The following ST3GAL3 variants were observed in gnomAD, a reference collection of about 807,000 sequenced individuals.
ST3GAL3 encodes ST3 beta-galactoside alpha-2,3-sialyltransferase 3.
A neutral mutation model predicts 50.1 loss-of-function variants in ST3GAL3; 21 were observed. The ratio of observed to expected loss-of-function variants is 0.42; its 90% CI spans 0.30 to 0.60. The LOEUF (loss-of-function observed/expected upper bound fraction) is 0.60. ST3GAL3 is among the 20% of genes least tolerant of loss of function. ST3GAL3 has a pLI of 0.19. For missense variants in ST3GAL3, 353 were observed against 489.4 expected, an observed-to-expected ratio of 0.72 and a Z score of 2.63; for synonymous variants, 183 against 190.0, an observed-to-expected ratio of 0.96 and a Z score of 0.30.
intron 11 of ST3GAL3, chr1:43,921,549 G>C: frequency 2.5e-6 from 1 of 399,774 alleles, no homozygotes; most frequent in Non-Finnish European, 4.4e-6. Flanking sequence ...GGAAATCTTG[G>C]GCCAGTTCTT....
At chr1:43,904,488 T>C (rs2078814665) in intron 9 of ST3GAL3, among the ~76,000 whole-genome samples, 1 of 151,978 alleles carries the variant, frequency 6.6e-6, no homozygotes. Flanking sequence ...CTTTCTCCCA[T>C]GCCTCTTATC....
intron 5 of ST3GAL3, chr1:43,839,191 G>A (rs1232369705): frequency 6.6e-6 from 1 of 152,400 alleles, no homozygotes; most frequent in Non-Finnish European, 1.5e-5. Context: ...TGGTTTTTAT[G>A]CTCCCTTTCT....
chr1:43,874,748 G>A (rs1004147123), intron 5 of ST3GAL3, among the ~76,000 whole-genome samples: 2 of 152,186 alleles, frequency 1.3e-5, no homozygotes, highest in Non-Finnish European at 2.9e-5. Flanking sequence ...GTAGTGATAC[G>A]CAGCTTGTAA....
chr1:43,814,974 G>C lies in ST3GAL3; in HGVS notation c.209+41G>C, dbSNP rs772927194. ...AGATACCTTGGCTCTGTGGCAGAGA[G>C]GTCTGTGAGAGCTGGGTCTCACTTT... On this transcript the variant is annotated intron_variant, in intron 4 of 11. Coordinates refer to ENST00000347631, the MANE Select transcript of ST3GAL3 (RefSeq NM_006279.5). 2.5e-5 allele frequency: 40 copies of C among 1,602,052 alleles called. 1 individual carries two copies. In the South Asian group the frequency reaches 3.5e-4, roughly 14 times the overall value.
chr1:43,838,301 A>G lies in ST3GAL3; in HGVS notation c.292A>G (p.Ile98Val), dbSNP rs776301173. ...PGYASALMTAIFPRFSKPAPM... is the reference protein window; with the variant it reads ...PGYASALMTAVFPRFSKPAPM... Reference sequence around the variant, plus strand: ...CTATGCTTCAGCCTTGATGACGGCCATCTTCCCCCGGTAAGTGCTCCTGTT... The same window carrying G: ...CTATGCTTCAGCCTTGATGACGGCCGTCTTCCCCCGGTAAGTGCTCCTGTT... The change falls in exon 5 of 12, where the codon ATC becomes GTC. Residue 98 changes from isoleucine (I) to valine (V), a missense_variant. Ile to Val is a conservative substitution (Grantham distance 29). Coordinates refer to ENST00000347631, the MANE Select transcript of ST3GAL3 (RefSeq NM_006279.5). The G allele has an allele frequency of 2.1e-5, 34 of 1,613,446 alleles. No individual in the cohort carries two copies. Among genetic ancestry groups the G allele is most frequent in the Non-Finnish European group, 2.6e-5 (31 of 1,179,724 alleles).
intron 2 of ST3GAL3, among the ~76,000 whole-genome samples, chr1:43,759,582 AACT>A (rs1351549180): frequency 6.6e-6 from 1 of 152,262 alleles, no homozygotes; most frequent in Non-Finnish European, 1.5e-5. Context: ...CAAAGCAGAG[AACT>A]ACTGTCTTTT....
chr1:43,768,594 A>C (rs1199735489), intron 2 of ST3GAL3, among the ~76,000 whole-genome samples: 1 of 152,220 alleles, frequency 6.6e-6, no homozygotes, highest in East Asian at 1.9e-4. Flanking sequence ...TATAGGCTTG[A>C]AAAAGATAAA....
chr1:43,736,257 G>A lies in ST3GAL3; in HGVS notation c.-6G>A, dbSNP rs766206220. On this transcript the variant is annotated 5_prime_UTR_variant, in exon 2 of 12. It adds an upstream start codon to the 5' untranslated region. Coordinates refer to ENST00000347631, the MANE Select transcript of ST3GAL3 (RefSeq NM_006279.5). ...GGTCATTTAGGAAATCGTAAATCATGTGAAGATGGGACTCTTGGTATTTGT... is the reference window on the plus strand; with the variant it reads ...GGTCATTTAGGAAATCGTAAATCATATGAAGATGGGACTCTTGGTATTTGT... 9.2e-5 allele frequency: 148 copies of A among 1,614,064 alleles called. No individual in the cohort carries two copies. Among genetic ancestry groups the A allele is most frequent in the South Asian group, 3.4e-4 (31 of 91,094 alleles).
intron 2 of ST3GAL3, among the ~76,000 whole-genome samples, chr1:43,767,283 T>G (rs1572457252): frequency 6.6e-6 from 1 of 151,788 alleles, no homozygotes. Flanking sequence ...GGCGCAAGAG[T>G]GCAAGGCATG....
At chr1:43,790,788 G>A (rs2154151576) in intron 2 of ST3GAL3, among the ~76,000 whole-genome samples, 1 of 151,520 alleles carries the variant, frequency 6.6e-6, no homozygotes, top group East Asian at 1.9e-4. Flanking sequence ...CGCGTACCAC[G>A]CCCAGCTAAT....
chr1:43,869,564 C>A (rs1406090031), intron 5 of ST3GAL3, among the ~76,000 whole-genome samples: 1 of 152,112 alleles, frequency 6.6e-6, no homozygotes, highest in Non-Finnish European at 1.5e-5. Context: ...CCTCATAATG[C>A]CTCACACCCA....
intron 5 of ST3GAL3, among the ~76,000 whole-genome samples, chr1:43,889,203 T>C (rs1570735948): frequency 6.8e-6 from 1 of 148,048 alleles, no homozygotes; most frequent in Non-Finnish European, 1.5e-5. Context: ...GGAACAGGAA[T>C]ACACACACAC....
At chr1:43,744,945 C>T (rs191326025) in intron 2 of ST3GAL3, among the ~76,000 whole-genome samples, 2 of 151,382 alleles carry the variant, frequency 1.3e-5, no homozygotes. Context: ...GAGCCAAGAT[C>T]GTGCCACTGC....
chr1:43,753,285 G>A (rs1686868180), intron 2 of ST3GAL3, among the ~76,000 whole-genome samples: 1 of 152,220 alleles, frequency 6.6e-6, no homozygotes, highest in African/African-American at 2.4e-5. Context: ...TAATGAAATA[G>A]TGGTATAGGG....
chr1:43,822,282 C>G (rs941791517), intron 4 of ST3GAL3, among the ~76,000 whole-genome samples: 1 of 152,196 alleles, frequency 6.6e-6, no homozygotes, highest in African/African-American at 2.4e-5. Context: ...GTGTGACTTT[C>G]CTGAGCCGAC....
chr1:43,757,261 G>GT (rs1357022087), intron 2 of ST3GAL3, among the ~76,000 whole-genome samples: 2 of 152,000 alleles, frequency 1.3e-5, no homozygotes, highest in Non-Finnish European at 2.9e-5. Flanking sequence ...GAAGGCTTGG[G>GT]TTTTTTTGTC....
chr1:43,923,109 T>A (rs1421381077), intron 11 of ST3GAL3, among the ~76,000 whole-genome samples: 6 of 151,292 alleles, frequency 4.0e-5, no homozygotes, highest in Non-Finnish European at 7.4e-5. Context: ...AAAGAAAAAT[T>A]GGAAAAGTTG....
chr1:43,734,419 C>G (rs1450792959), intron 1 of ST3GAL3, among the ~76,000 whole-genome samples: 3 of 150,582 alleles, frequency 2.0e-5, no homozygotes, highest in Admixed American at 6.7e-5. Flanking sequence ...ATCCTCCTGC[C>G]TCAGCTTCCT....
rs1473784145 is a variant in ST3GAL3 at position 43,899,801 on chromosome 1, G to A, written c.744+74G>A. The A allele has an allele frequency of 9.3e-6, 13 of 1,395,748 alleles. No individual in the cohort carries two copies. Among genetic ancestry groups the A allele is most frequent in the African/African-American group, 1.4e-5 (1 of 70,434 alleles). The allele number at this position is 1,395,748 out of a possible 1,614,324, so 86.5% of individuals were successfully genotyped here. A position where few individuals can be genotyped will look rare whatever the true frequency, so the allele number is the denominator to read the frequency against. On this transcript the variant is annotated intron_variant, in intron 9 of 11. Coordinates refer to ENST00000347631, the MANE Select transcript of ST3GAL3 (RefSeq NM_006279.5). The surrounding 1 kb of genome is among the most constrained non-coding windows in gnomAD (Gnocchi z 5.4). ...CAACTCCTAAGCAATCCCGCCCCTT[G>A]AATGCAGCAAAGAACGAGTAAGAAC... is the stretch of plus-strand genomic sequence containing the variant.
Sources: allele counts gnomAD v4.1 joint callset (sites outside exome capture counted in the v4.1 genomes callset), GRCh38; gene constraint gnomAD v4.1.1; non-coding constraint Gnocchi (gnomAD v3.1); transcripts MANE v1.5; gene names NCBI Gene and HGNC (gene_info 2026-07-23, HGNC 2026-07-21).